The following IL1RAPL1 variants were observed in gnomAD, a reference collection of about 807,000 sequenced individuals.
IL1RAPL1 encodes the protein interleukin 1 receptor accessory protein like 1, also known as interleukin-1 receptor accessory protein-like 1.
In IL1RAPL1, 3 loss-of-function variants were observed where a neutral mutation model predicts 48.4. That is an observed-to-expected ratio of 0.06 (90% CI 0.03 to 0.16). The LOEUF is 0.16. IL1RAPL1 is among the 10% of genes least tolerant of loss of function. IL1RAPL1 has a pLI of 1.00. For synonymous variants in IL1RAPL1, 185 were observed against 187.7 expected (o/e 0.99, Z 0.12); for missense variants, 349 against 530.6 (o/e 0.66, Z 3.36).
intron 2 of IL1RAPL1, among the ~76,000 whole-genome samples, chrX:28,969,994 T>G (rs1925027758): frequency 1.8e-5 from 2 of 111,471 alleles, no homozygotes; most frequent in African/African-American, 6.5e-5. Flanking sequence ...AACACATATA[T>G]ATGTTTAGAA....
chrX:29,167,600 T>C (rs781707763), intron 2 of IL1RAPL1, among the ~76,000 whole-genome samples: 20 of 110,704 alleles, frequency 1.8e-4, no homozygotes, highest in Non-Finnish European at 3.4e-4. Flanking sequence ...AACAAAATAA[T>C]AAAAGCTTTA....
At chrX:29,412,889 C>T (rs1307060896) in intron 5 of IL1RAPL1, among the ~76,000 whole-genome samples, 2 of 112,184 alleles carry the variant, frequency 1.8e-5, no homozygotes, top group African/African-American at 3.2e-5. Flanking sequence ...TGCATCAAAC[C>T]GGACTGTGAA....
chrX:28,704,421 A>AC (rs1935340175), intron 1 of IL1RAPL1, among the ~76,000 whole-genome samples: 1 of 89,524 alleles, frequency 1.1e-5, no homozygotes, highest in African/African-American at 4.1e-5. Context: ...AAAACACACA[A>AC]ACACACACAC....
intron 5 of IL1RAPL1, among the ~76,000 whole-genome samples, chrX:29,496,444 TCTCC>T (rs904189086): frequency 9.7e-6 from 1 of 102,685 alleles, no homozygotes; most frequent in African/African-American, 3.6e-5. Context: ...GTGTATGGCA[TCTCC>T]CTCCACACTC....
rs141028141 is a variant in IL1RAPL1, at chrX:28,686,506, A to T, written c.-25+98459A>T. 3.8e-3 allele frequency among the ~76,000 whole-genome samples: 428 copies of T among 112,004 alleles called. 5 individuals are homozygous for T. The highest frequency in any genetic ancestry group is 0.013 in the African/African-American group (406 of 30,878). ...CACTTGGAAAAGAAAATGCCCTTGGACATTTGGTTAGCTGCATATCTCTTG... is the reference window on the plus strand; with the variant it reads ...CACTTGGAAAAGAAAATGCCCTTGGTCATTTGGTTAGCTGCATATCTCTTG... On this transcript the variant is annotated intron_variant, in intron 1 of 10. Transcript: ENST00000378993.
chrX:28,809,226 C>T (rs5985802), intron 2 of IL1RAPL1, among the ~76,000 whole-genome samples: 8,673 of 109,596 alleles, frequency 0.079, 589 homozygotes, highest in African/African-American at 0.22. Flanking sequence ...GAGTTGTCTA[C>T]TATGTGATAC....
Position 29,267,051 on chromosome X carries a change from A to G in IL1RAPL1, c.83-15887A>G, listed in dbSNP as rs567666548. Among the ~76,000 whole-genome samples the G allele has an allele frequency of 4.5e-5, 5 of 111,155 alleles. No individual in the cohort carries two copies. The South Asian group carries it at 1.9e-3, about 42-fold the overall frequency. Reference sequence around the variant, plus strand: ...ATAAACAAATGGTCTTACCTTTCCAACCTCTTCCTCAATCACTACCTACCC... The same window carrying G: ...ATAAACAAATGGTCTTACCTTTCCAGCCTCTTCCTCAATCACTACCTACCC... On this transcript the variant is annotated intron_variant, in intron 2 of 10. Transcript: ENST00000378993.
chrX:29,577,511 C>T (rs929351914), intron 5 of IL1RAPL1, among the ~76,000 whole-genome samples: 9 of 111,632 alleles, frequency 8.1e-5, no homozygotes, highest in African/African-American at 2.6e-4. Flanking sequence ...ACTTCCCTTT[C>T]GCTCAGTACC....
intron 1 of IL1RAPL1, among the ~76,000 whole-genome samples, chrX:28,664,860 C>T (rs1934858563): frequency 9.0e-6 from 1 of 111,552 alleles, no homozygotes; most frequent in African/African-American, 3.3e-5. Flanking sequence ...AAACAACTTC[C>T]AGGGGCCTTT....
chrX:29,381,492 A>C (rs12843572), intron 3 of IL1RAPL1, among the ~76,000 whole-genome samples: 1 of 24,969 alleles, frequency 4.0e-5, no homozygotes, highest in Non-Finnish European at 6.7e-5. Flanking sequence ...TCATCTCTAC[A>C]AAAAAAAAAA....
intron 2 of IL1RAPL1, among the ~76,000 whole-genome samples, chrX:29,055,962 C>T (rs1462645598): frequency 9.0e-6 from 1 of 111,677 alleles, no homozygotes; most frequent in Non-Finnish European, 1.9e-5. Context: ...AGTAATTAAT[C>T]GAGGTGTTTC....
intron 2 of IL1RAPL1, among the ~76,000 whole-genome samples, chrX:28,964,714 A>G (rs1309958346): frequency 9.1e-6 from 1 of 109,974 alleles, no homozygotes; most frequent in Non-Finnish European, 1.9e-5. Context: ...TTCTTTCTGG[A>G]TTTTTTCTCA....
At chrX:28,743,760 T>C (rs1427017069) in intron 1 of IL1RAPL1, among the ~76,000 whole-genome samples, 1 of 111,571 alleles carries the variant, frequency 9.0e-6, no homozygotes, top group African/African-American at 3.2e-5. Flanking sequence ...ATTTATTTAA[T>C]GGCGTACAAC....
intron 5 of IL1RAPL1, among the ~76,000 whole-genome samples, chrX:29,604,004 A>G (rs937853889): frequency 8.9e-6 from 1 of 112,461 alleles, no homozygotes; most frequent in Admixed American, 9.4e-5. Flanking sequence ...ACAGTGAGTG[A>G]AATAACCAGT....
intron 2 of IL1RAPL1, among the ~76,000 whole-genome samples, chrX:28,789,843 T>C (rs966699808): frequency 8.9e-6 from 1 of 112,003 alleles, no homozygotes; most frequent in Non-Finnish European, 1.9e-5. Context: ...TCCAGCTGAT[T>C]TGATGAATTG....
rs558399535 is a variant in IL1RAPL1, at chrX:29,783,066, G to T, written c.778+114562G>T. Among the ~76,000 whole-genome samples, 3 of 106,381 alleles carry T rather than the reference G, an allele frequency of 2.8e-5. No individual in the cohort carries two copies. In the Admixed American group the frequency reaches 3.0e-4, roughly 11 times the overall value. The allele number at this position is 106,381 out of a possible 115,157, so 92.4% of individuals were successfully genotyped here. On this transcript the variant is annotated intron_variant, in intron 6 of 10. Coordinates refer to ENST00000378993, the MANE Select transcript of IL1RAPL1 (RefSeq NM_014271.4). ...ACTACAGGCGCCTGCCACTACGCCC[G>T]GCTAATTTTTTGTATTTTTAGTAGA...
chrX:28,589,615 A>G (rs1933886600), intron 1 of IL1RAPL1, among the ~76,000 whole-genome samples: 1 of 111,452 alleles, frequency 9.0e-6, no homozygotes, highest in Non-Finnish European at 1.9e-5. Context: ...CTAGGATTGA[A>G]ATATATGACC....
chrX:29,935,782 C>T (rs1479879175), intron 8 of IL1RAPL1, among the ~76,000 whole-genome samples: 5 of 111,397 alleles, frequency 4.5e-5, no homozygotes, highest in African/African-American at 1.6e-4. Flanking sequence ...TGGGTCCTAG[C>T]CAACAACCAT....
chrX:28,821,120 A>G (rs1288028210), intron 2 of IL1RAPL1, among the ~76,000 whole-genome samples: 2 of 111,890 alleles, frequency 1.8e-5, no homozygotes, highest in Non-Finnish European at 3.8e-5. Context: ...CATTTTTAAA[A>G]GAACAAATTT....
Sources: gnomAD v4.1 joint callset for allele counts (sites outside exome capture counted in the v4.1 genomes callset) on GRCh38, gnomAD v4.1.1 for gene constraint, MANE v1.5 for transcripts, NCBI Gene and HGNC (gene_info 2026-07-23, HGNC 2026-07-21) for gene names.